The following CPM variants were observed in gnomAD, a reference collection of about 807,000 sequenced individuals.
CPM encodes the protein carboxypeptidase M, also known as renal carboxypeptidase.
A neutral mutation model predicts 46.4 loss-of-function variants in CPM; 35 were observed. The ratio of observed to expected loss-of-function variants is 0.75; its 90% CI spans 0.58 to 1.00. CPM has a LOEUF of 1.00. Among genes scored for constraint, CPM ranks in the 50% least tolerant of loss-of-function variants. CPM has a pLI of 0.00. For missense variants in CPM, 422 were observed against 530.4 expected, an observed-to-expected ratio of 0.80 and a Z score of 2.01; for synonymous variants, 195 against 195.3, an observed-to-expected ratio of 1.00 and a Z score of 0.01.
chr12:68,962,784 G>A (rs538395619), intron 1 of CPM, among the ~76,000 whole-genome samples: 5 of 152,198 alleles, frequency 3.3e-5, no homozygotes, highest in East Asian at 3.8e-4. Flanking sequence ...TAACCTGCAC[G>A]ATAAAACCTT....
chr12:68,909,798 A>G (rs1277610287), intron 2 of CPM, among the ~76,000 whole-genome samples: 5 of 138,686 alleles, frequency 3.6e-5, no homozygotes, highest in African/African-American at 1.3e-4. Context: ...GAACACATGG[A>G]CACAGGGAGG....
At chr12:68,894,457 A>C (rs916770132) in intron 2 of CPM, among the ~76,000 whole-genome samples, 2 of 152,088 alleles carry the variant, frequency 1.3e-5, no homozygotes, top group Non-Finnish European at 2.9e-5. Context: ...CTCCACCCGA[A>C]TTTCCCACTA....
At chr12:68,948,492 A>T (rs550726319) in intron 1 of CPM, among the ~76,000 whole-genome samples, 1 of 151,536 alleles carries the variant, frequency 6.6e-6, no homozygotes, top group African/African-American at 2.4e-5. Context: ...TGTCTTTTAG[A>T]GTATATAGGG....
chr12:68,911,689 C>G (rs1265955636), intron 2 of CPM, among the ~76,000 whole-genome samples: 1 of 152,176 alleles, frequency 6.6e-6, no homozygotes, highest in Admixed American at 6.5e-5. Context: ...TTCCATAGCA[C>G]TTATGTGCCA....
intron 2 of CPM, among the ~76,000 whole-genome samples, chr12:68,908,453 G>A (rs1436135553): frequency 1.4e-5 from 2 of 142,120 alleles, no homozygotes. Flanking sequence ...TGCTAAAATT[G>A]CAAACTCCTG....
chr12:68,889,662 CT>C (rs1222733466), intron 2 of CPM, among the ~76,000 whole-genome samples: 1 of 152,092 alleles, frequency 6.6e-6, no homozygotes, highest in Non-Finnish European at 1.5e-5. Flanking sequence ...GATGCCATCT[CT>C]ACAAAAACTT....
chr12:68,933,311 G>C (rs911724593), upstream of CPM: 5 of 151,872 alleles, frequency 3.3e-5, no homozygotes, highest in Non-Finnish European at 7.4e-5. Context: ...TTCGCACCTA[G>C]GAGAGACGGC....
chr12:68,852,448 A>C lies in CPM; in HGVS notation c.*3989T>G, dbSNP rs1365910106. 6.6e-6 allele frequency: 1 copy of C among 152,182 alleles called. No homozygotes were observed. The highest frequency in any genetic ancestry group is 1.5e-5 in the Non-Finnish European group (1 of 68,046). 9.4% of individuals were successfully genotyped at this position (152,182 alleles called of 1,614,324 possible). Reference sequence around the variant, plus strand: ...TGTAGCATCTCTTACCAGTCACAGAATCACCGTTCAGCGTGGCGGGGGGTG... The same window carrying C: ...TGTAGCATCTCTTACCAGTCACAGACTCACCGTTCAGCGTGGCGGGGGGTG... On this transcript the variant is annotated 3_prime_UTR_variant, in exon 9 of 9. Coordinates refer to ENST00000551568, the MANE Select transcript of CPM (RefSeq NM_198320.5).
chr12:68,924,092 T>C (rs1433270684), intron 2 of CPM, among the ~76,000 whole-genome samples: 1 of 150,706 alleles, frequency 6.6e-6, no homozygotes, highest in African/African-American at 2.5e-5. Context: ...GGAGGATCAC[T>C]TGAGCTCAGG....
chr12:68,961,922 C>A (rs768039890), intron 1 of CPM, among the ~76,000 whole-genome samples: 1 of 151,996 alleles, frequency 6.6e-6, no homozygotes, highest in African/African-American at 2.4e-5. Flanking sequence ...TAATAATGGC[C>A]GGGCGTGGTG....
chr12:68,933,522 C>G (rs1888604872), upstream of CPM, among the ~76,000 whole-genome samples: 1 of 152,172 alleles, frequency 6.6e-6, no homozygotes, highest in African/African-American at 2.4e-5. Flanking sequence ...CTCTCTGTCG[C>G]AGACTGCAGC....
intron 8 of CPM, among the ~76,000 whole-genome samples, chr12:68,858,709 A>T (rs1275881816): frequency 6.7e-6 from 1 of 149,724 alleles, no homozygotes; most frequent in Admixed American, 6.7e-5. Context: ...AATTGCCATC[A>T]GGGAAAAAAT....
intron 3 of CPM, among the ~76,000 whole-genome samples, chr12:68,875,276 G>C (rs181604494): frequency 6.6e-6 from 1 of 151,642 alleles, no homozygotes; most frequent in Non-Finnish European, 1.5e-5. Flanking sequence ...GCTTGAACCT[G>C]GGAAGCAGAG....
intron 1 of CPM, among the ~76,000 whole-genome samples, chr12:68,943,274 G>T (rs1888792942): frequency 6.6e-6 from 1 of 152,050 alleles, no homozygotes. Context: ...GATCTTAGAG[G>T]ATTATAGTGA....
chr12:68,866,494 C>G (rs750409568), intron 7 of CPM, among the ~76,000 whole-genome samples: 6 of 152,192 alleles, frequency 3.9e-5, no homozygotes, highest in Non-Finnish European at 8.8e-5. Flanking sequence ...CAGGCGTGTG[C>G]CACCACGCCT....
Position 68,856,621 on chromosome 12 carries a change from T to A in CPM, c.1148A>T (p.Gln383Leu), listed in dbSNP as rs1259591892. 1 of 1,614,132 alleles carries A rather than the reference T, an allele frequency of 6.2e-7. No homozygotes were observed. The highest frequency in any genetic ancestry group is 8.5e-7 in the Non-Finnish European group (1 of 1,180,032). Residue 383 changes from glutamine (Q) to leucine (L), a missense_variant, in exon 9 of 9, where the codon CAG becomes CTG. Gln to Leu is a moderately radical substitution (Grantham distance 113). Transcript: ENST00000551568. ...ITKVIIPEKS[Q>L]NFSALKKDIL... ...ATCCTTTTTAAGAGCACTGAAGTTC[T>A]GGGATTTCTCCGGAATAATCACCTT...
At chr12:68,861,737 AG>A in intron 7 of CPM, among the ~76,000 whole-genome samples, 1 of 151,924 alleles carries the variant, frequency 6.6e-6, no homozygotes, top group Non-Finnish European at 1.5e-5. Context: ...CATGTTGGTC[AG>A]GCTGGTCTTG....
intron 3 of CPM, among the ~76,000 whole-genome samples, chr12:68,882,321 A>G (rs889597160): frequency 6.6e-6 from 1 of 152,078 alleles, no homozygotes; most frequent in Non-Finnish European, 1.5e-5. Context: ...GTTCCCACTT[A>G]TAAGTGAGAA....
chr12:68,919,623 T>A (rs954148374), intron 2 of CPM, among the ~76,000 whole-genome samples: 2 of 152,376 alleles, frequency 1.3e-5, no homozygotes, highest in Middle Eastern at 6.8e-3. Flanking sequence ...TAGAAGTACA[T>A]GTTCTTACAA....
Sources: allele counts gnomAD v4.1 joint callset (sites outside exome capture counted in the v4.1 genomes callset), GRCh38; gene constraint gnomAD v4.1.1; transcripts MANE v1.5; gene names NCBI Gene and HGNC (gene_info 2026-07-23, HGNC 2026-07-21).